Variants in SLC30A8 observed in about 807,000 individuals in gnomAD.
The protein encoded by SLC30A8 is solute carrier family 30 member 8.
A neutral mutation model predicts 36.9 loss-of-function variants in SLC30A8; 27 were observed. That is an observed-to-expected ratio of 0.73 (90% CI 0.54 to 1.01). SLC30A8 has a LOEUF of 1.01. Among genes scored for constraint, SLC30A8 ranks in the 50% least tolerant of loss-of-function variants. The pLI, the probability that SLC30A8 is intolerant of heterozygous loss-of-function variation, is 0.00. For synonymous variants in SLC30A8, 164 were observed against 172.4 expected, an observed-to-expected ratio of 0.95 and a Z score of 0.38; for missense variants, 439 against 452.0, an observed-to-expected ratio of 0.97 and a Z score of 0.26.
chr8:117,154,739 T>C (rs1822387248), intron 3 of SLC30A8, among the ~76,000 whole-genome samples: 1 of 152,200 alleles, frequency 6.6e-6, no homozygotes, highest in African/African-American at 2.4e-5. Flanking sequence ...GTTTTACATG[T>C]ACTTGACCCT....
chr8:117,137,559 A>G, intron 1 of SLC30A8, among the ~76,000 whole-genome samples: 1 of 151,998 alleles, frequency 6.6e-6, no homozygotes, highest in East Asian at 1.9e-4. Flanking sequence ...AGAAGGCTGC[A>G]TTCTGCTGGT....
chr8:116,960,175 G>A (rs927041539), intron 1 of SLC30A8, among the ~76,000 whole-genome samples: 5 of 152,146 alleles, frequency 3.3e-5, no homozygotes, highest in African/African-American at 1.2e-4. Context: ...TTTGTTTCAG[G>A]TGGGAAAATG....
intron 6 of SLC30A8, among the ~76,000 whole-genome samples, chr8:117,167,271 T>C (rs1823104779): frequency 6.6e-6 from 1 of 152,154 alleles, no homozygotes; most frequent in African/African-American, 2.4e-5. Context: ...GGCAGATAAC[T>C]CCTTTCTGGA....
intron 1 of SLC30A8, among the ~76,000 whole-genome samples, chr8:116,956,454 G>A (rs1431016368): frequency 1.3e-5 from 2 of 152,118 alleles, no homozygotes; most frequent in Non-Finnish European, 2.9e-5. Context: ...AAATTTCAGG[G>A]CCAGAAATTT....
At chr8:116,955,757 GAC>G (rs1021091608) in intron 1 of SLC30A8, among the ~76,000 whole-genome samples, 4 of 151,568 alleles carry the variant, frequency 2.6e-5, no homozygotes, top group African/African-American at 9.7e-5. Flanking sequence ...AAAACAAAAA[GAC>G]AGAGATGCTG....
chr8:116,999,207 C>T (rs927819938), intron 1 of SLC30A8, among the ~76,000 whole-genome samples: 9 of 152,086 alleles, frequency 5.9e-5, no homozygotes, highest in Admixed American at 2.6e-4. Context: ...CGCAGTGAGC[C>T]GAGATCATGC....
At chr8:117,058,970 CT>C (rs1817951425) in intron 2 of SLC30A8, among the ~76,000 whole-genome samples, 1 of 152,074 alleles carries the variant, frequency 6.6e-6, no homozygotes, top group Non-Finnish European at 1.5e-5. Context: ...TCCACCATAC[CT>C]TTTTTACCTA....
intron 1 of SLC30A8, among the ~76,000 whole-genome samples, chr8:117,022,018 G>T (rs115429178): frequency 0.023 from 3,545 of 151,590 alleles, 134 homozygotes; most frequent in African/African-American, 0.08. Flanking sequence ...GTTTAAAAAG[G>T]TAAGTTCCTT....
In SLC30A8 at chr8:117,157,351, C is replaced by T. The variant is rs113064661; in HGVS notation, c.419-340C>T. 1.5e-3 allele frequency among the ~76,000 whole-genome samples: 223 copies of T among 152,140 alleles called. 1 individual carries two copies. Among genetic ancestry groups the T allele is most frequent in the African/African-American group, 5.1e-3 (213 of 41,512 alleles). ...TCTCTGTGTCTCATTATTTTACCTC[C>T]TAATAAGTTTCAATCATTTTAGCAC... On this transcript the variant is annotated intron_variant, in intron 3 of 7. Coordinates refer to ENST00000456015, the MANE Select transcript of SLC30A8 (RefSeq NM_173851.3).
At chr8:117,056,015 C>CTG (rs959620292) in intron 2 of SLC30A8, 5 of 152,198 alleles carry the variant, frequency 3.3e-5, no homozygotes, top group South Asian at 2.1e-4. Context: ...GAAATGAATT[C>CTG]TGTGTGTGTG....
chr8:116,978,382 G>A (rs1464723554), intron 1 of SLC30A8, among the ~76,000 whole-genome samples: 1 of 152,048 alleles, frequency 6.6e-6, no homozygotes, highest in Non-Finnish European at 1.5e-5. Flanking sequence ...TCATTGAATA[G>A]AAATGAAGAA....
chr8:117,051,638 C>G (rs1817712028), intron 2 of SLC30A8, among the ~76,000 whole-genome samples: 1 of 151,908 alleles, frequency 6.6e-6, no homozygotes, highest in Non-Finnish European at 1.5e-5. Flanking sequence ...ACGGTGAAAC[C>G]CCATCTCTAC....
chr8:116,988,217 A>G (rs1459721467), intron 1 of SLC30A8, among the ~76,000 whole-genome samples: 2 of 152,156 alleles, frequency 1.3e-5, no homozygotes, highest in Non-Finnish European at 2.9e-5. Flanking sequence ...TCAAAAGGGC[A>G]TTTTGGGGGC....
chr8:117,147,614 G>C (rs1821960646), intron 2 of SLC30A8: 1 of 157,532 alleles, frequency 6.3e-6, no homozygotes, highest in African/African-American at 2.4e-5. Flanking sequence ...AGAAAACTCT[G>C]CCTGTCTTTC....
At chr8:117,085,970 G>A (rs994894683) in intron 2 of SLC30A8, among the ~76,000 whole-genome samples, 1 of 152,138 alleles carries the variant, frequency 6.6e-6, no homozygotes, top group African/African-American at 2.4e-5. Flanking sequence ...AAGGGATGAT[G>A]GATAAACTGA....
intron 2 of SLC30A8, among the ~76,000 whole-genome samples, chr8:117,079,594 G>A (rs1023245747): frequency 1.3e-5 from 2 of 152,166 alleles, no homozygotes; most frequent in African/African-American, 2.4e-5. Flanking sequence ...CAAGGAAATA[G>A]CATGGGCATT....
intron 2 of SLC30A8, among the ~76,000 whole-genome samples, chr8:117,044,516 AG>A (rs1817485320): frequency 6.6e-6 from 1 of 152,200 alleles, no homozygotes; most frequent in Non-Finnish European, 1.5e-5. Flanking sequence ...TGGAGGAGAA[AG>A]CCAAAGCATC....
chr8:117,095,675 A>G (rs1203789643), intron 2 of SLC30A8, among the ~76,000 whole-genome samples: 1 of 152,132 alleles, frequency 6.6e-6, no homozygotes, highest in Non-Finnish European at 1.5e-5. Flanking sequence ...CCCAGAATCC[A>G]TTGCCTTGTT....
At chr8:117,123,946 C>T (rs1399326680) in intron 2 of SLC30A8, among the ~76,000 whole-genome samples, 2 of 151,954 alleles carry the variant, frequency 1.3e-5, no homozygotes, top group Non-Finnish European at 2.9e-5. Context: ...GGGGAATCCT[C>T]TCATCTCTCA....
Sources: allele counts gnomAD v4.1 joint callset (sites outside exome capture counted in the v4.1 genomes callset), GRCh38; gene constraint gnomAD v4.1.1; transcripts MANE v1.5; gene names NCBI Gene and HGNC (gene_info 2026-07-23, HGNC 2026-07-21).